Variants in CSMD1 observed in about 807,000 individuals in gnomAD.
The protein encoded by CSMD1 is CUB and Sushi multiple domains 1, also known as CUB and sushi domain-containing protein 1.
Under a neutral mutation model 417.5 loss-of-function variants are expected in CSMD1, and 213 were observed. That is an observed-to-expected ratio of 0.51 (90% CI 0.46 to 0.57). The LOEUF (loss-of-function observed/expected upper bound fraction) is 0.57. Ranked by LOEUF, CSMD1 falls within the 20% of genes least tolerant of loss-of-function variation. The pLI is 0.00. For synonymous variants in CSMD1, 2,862 were observed against 1,736.8 expected (o/e 1.65, Z -16.11); for missense variants, 6,923 against 4,529.7 (o/e 1.53, Z -15.17).
chr8:4,846,100 G>C (rs1481114166), intron 1 of CSMD1, among the ~76,000 whole-genome samples: 1 of 152,152 alleles, frequency 6.6e-6, no homozygotes, highest in Non-Finnish European at 1.5e-5. Flanking sequence ...GCAGGAGTTA[G>C]AACTTCCACG....
chr8:3,348,082 A>C lies in CSMD1; in HGVS notation c.3384T>G (p.His1128Gln). The C allele has an allele frequency of 6.2e-7, 1 of 1,612,540 alleles. No homozygotes were observed. Among genetic ancestry groups the C allele is most frequent in the East Asian group, 2.2e-5 (1 of 44,808 alleles). Reference protein sequence around the residue: ...PNFPSNYDNNHECIYKIETEA... With the variant: ...PNFPSNYDNNQECIYKIETEA... ...CTGTTTCTATTTTATAGATACACTC[A>C]TGGTTATTATCATAATTGGATGGAA... The change falls in exon 22 of 70, where the codon CAT (histidine) becomes CAG (glutamine). Residue 1128 changes from histidine to glutamine, a missense_variant. Coordinates refer to ENST00000635120, the MANE Select transcript of CSMD1 (RefSeq NM_033225.6).
chr8:3,612,446 A>G (rs1032719845), intron 8 of CSMD1, among the ~76,000 whole-genome samples: 1 of 152,142 alleles, frequency 6.6e-6, no homozygotes, highest in African/African-American at 2.4e-5. Flanking sequence ...AACACTGTCA[A>G]CCAACTTGAT....
chr8:4,433,173 G>A (rs956164332), intron 2 of CSMD1, among the ~76,000 whole-genome samples: 1 of 152,040 alleles, frequency 6.6e-6, no homozygotes, highest in Non-Finnish European at 1.5e-5. Context: ...CTGCATTATG[G>A]CGAGTTGTAT....
At chr8:4,580,132 C>G (rs201739317) in intron 2 of CSMD1, among the ~76,000 whole-genome samples, 2 of 152,092 alleles carry the variant, frequency 1.3e-5, no homozygotes, top group East Asian at 1.9e-4. Flanking sequence ...TATTAAACAC[C>G]TATGTGGCCC....
At chr8:3,785,406 G>T (rs6986105) in intron 5 of CSMD1, among the ~76,000 whole-genome samples, 2,136 of 152,232 alleles carry the variant, frequency 0.014, 63 homozygotes, top group African/African-American at 0.049. Flanking sequence ...CTGTTCTGGT[G>T]AGAGGTCAGG....
intron 12 of CSMD1, among the ~76,000 whole-genome samples, chr8:3,464,389 C>G (rs1816684982): frequency 6.6e-6 from 1 of 152,028 alleles, no homozygotes; most frequent in Non-Finnish European, 1.5e-5. Flanking sequence ...TGAGGGAACC[C>G]AACTTTCAAT....
At chr8:4,353,352 C>G (rs1192235904) in intron 3 of CSMD1, among the ~76,000 whole-genome samples, 2 of 152,098 alleles carry the variant, frequency 1.3e-5, no homozygotes. Flanking sequence ...TCCTCCTTTG[C>G]CTTCCACCAT....
intron 41 of CSMD1, among the ~76,000 whole-genome samples, chr8:3,129,791 C>G (rs548996359): frequency 1.3e-5 from 2 of 152,164 alleles, no homozygotes; most frequent in South Asian, 4.1e-4. Context: ...GAATTCAAGA[C>G]CAGCCTGCCC....
intron 1 of CSMD1, among the ~76,000 whole-genome samples, chr8:4,834,187 C>A (rs891462194): frequency 4.6e-5 from 7 of 152,092 alleles, no homozygotes; most frequent in Admixed American, 3.3e-4. Context: ...AGGTTTAAAT[C>A]TGTAATTTTA....
chr8:3,239,991 G>A (rs1304461265), intron 26 of CSMD1, among the ~76,000 whole-genome samples: 2 of 151,868 alleles, frequency 1.3e-5, no homozygotes, highest in African/African-American at 4.8e-5. Context: ...TCAAGTGTGA[G>A]GAAGAAAATA....
intron 1 of CSMD1, among the ~76,000 whole-genome samples, chr8:4,662,172 T>C (rs995402566): frequency 6.6e-6 from 1 of 152,208 alleles, no homozygotes; most frequent in African/African-American, 2.4e-5. Context: ...AAACCCCCTA[T>C]TAAATCCTTA....
intron 1 of CSMD1, among the ~76,000 whole-genome samples, chr8:4,681,481 G>A (rs1806047968): frequency 6.6e-6 from 1 of 152,250 alleles, no homozygotes; most frequent in African/African-American, 2.4e-5. Context: ...CAAATGGTGA[G>A]CACAAATGAT....
intron 1 of CSMD1, among the ~76,000 whole-genome samples, chr8:4,767,008 G>C (rs1324174265): frequency 6.6e-6 from 1 of 152,142 alleles, no homozygotes; most frequent in Admixed American, 6.5e-5. Flanking sequence ...TGTCTTCTTG[G>C]AAAAATGTAC....
At chr8:4,441,975 A>C (rs1477545508) in intron 2 of CSMD1, among the ~76,000 whole-genome samples, 1 of 152,170 alleles carries the variant, frequency 6.6e-6, no homozygotes, top group Non-Finnish European at 1.5e-5. Context: ...ATGTTCCGAA[A>C]ACCAAATAAT....
At chr8:4,723,167 T>C (rs1253408312) in intron 1 of CSMD1, among the ~76,000 whole-genome samples, 1 of 152,156 alleles carries the variant, frequency 6.6e-6, no homozygotes, top group Non-Finnish European at 1.5e-5. Context: ...ATGGATTCTA[T>C]TATATGGTCT....
At chr8:4,157,156 A>C (rs1796879764) in intron 3 of CSMD1, among the ~76,000 whole-genome samples, 1 of 152,168 alleles carries the variant, frequency 6.6e-6, no homozygotes, top group African/African-American at 2.4e-5. Context: ...GTGGTAGAAG[A>C]AACATCAGAA....
chr8:4,036,343 C>T (rs1350790553), intron 3 of CSMD1, among the ~76,000 whole-genome samples: 1 of 141,904 alleles, frequency 7.0e-6, no homozygotes, highest in African/African-American at 2.6e-5. Context: ...TAAAGAGGGA[C>T]CCCTCCAAAA....
Position 3,142,502 on chromosome 8 carries a change from A to G in CSMD1, c.6204T>C (p.His2068=). The G allele has an allele frequency of 6.2e-7, 1 of 1,613,950 alleles. No homozygotes were observed. The highest frequency in any genetic ancestry group is 1.3e-5 in the African/African-American group (1 of 75,036). ...GTTTAAATCCTTGCCGGTTTTGCGA[A>G]TGGTCACTATAAAAGTGGATGAGGG... ...HETLIHFYSD[H]SQNRQGFKLA... is the part of the protein sequence containing the mutation. Residue 2068 remains histidine (H), a synonymous_variant, in exon 41 of 70, where the codon CAT becomes CAC. Transcript: ENST00000635120.
At chr8:4,455,255 G>T (rs74574573) in intron 2 of CSMD1, among the ~76,000 whole-genome samples, 1 of 151,936 alleles carries the variant, frequency 6.6e-6, no homozygotes, top group Non-Finnish European at 1.5e-5. Flanking sequence ...TTTTCCCCAG[G>T]TTAAAAAAAA....
Sources: gnomAD v4.1 joint callset for allele counts (sites outside exome capture counted in the v4.1 genomes callset) on GRCh38, gnomAD v4.1.1 for gene constraint, MANE v1.5 for transcripts, NCBI Gene and HGNC (gene_info 2026-07-23, HGNC 2026-07-21) for gene names.